Variants in COL11A2 observed in about 807,000 individuals in gnomAD.
COL11A2 encodes the protein collagen type XI alpha 2 chain.
COL11A2 carries 116 observed loss-of-function variants against 273.4 expected under a neutral mutation model. That is an observed-to-expected ratio of 0.42 (90% CI 0.36 to 0.49). The LOEUF (loss-of-function observed/expected upper bound fraction) is 0.49. Ranked by LOEUF, COL11A2 falls within the 20% of genes least tolerant of loss-of-function variation. The pLI is 0.00. For synonymous variants in COL11A2, 782 were observed against 864.2 expected, an observed-to-expected ratio of 0.90 and a Z score of 1.67; for missense variants, 1,866 against 2,309.0, an observed-to-expected ratio of 0.81 and a Z score of 3.93.
rs1184251490 is a variant in COL11A2 at position 33,173,561 on chromosome 6, G to A, written c.2629-6C>T. The stretch of plus-strand genomic sequence containing the variant: ...CCCTGAGGTCCAGGGAGGCCCTAGA[G>A]ACAGAGGTGGGGGGAGTCAGGAGAA... On this transcript the variant is annotated splice_region_variant and splice_polypyrimidine_tract_variant and intron_variant, in intron 35 of 65. Coordinates refer to ENST00000341947, the MANE Select transcript of COL11A2 (RefSeq NM_080680.3). This position sits in a 1 kb window ranked among gnomAD's most constrained non-coding sequence, Gnocchi z 6.3. The A allele has an allele frequency of 1.5e-6, 2 of 1,346,680 alleles. No individual in the cohort carries two copies. The highest frequency in any genetic ancestry group is 1.9e-5 in the Admixed American group (1 of 52,548). 83.4% of individuals were successfully genotyped at this position (1,346,680 alleles called of 1,614,324 possible). A position where few individuals can be genotyped will look rare whatever the true frequency, so the allele number is the denominator to read the frequency against.
At position 33,189,476 on chromosome 6, in the gene COL11A2, G is replaced by C. The variant is rs1319857630; in HGVS notation, c.83-7C>G. On this transcript the variant is annotated splice_polypyrimidine_tract_variant and splice_region_variant and intron_variant, in intron 1 of 65. Coordinates refer to ENST00000341947, the MANE Select transcript of COL11A2 (RefSeq NM_080680.3). The surrounding 1 kb of genome is among the most constrained non-coding windows in gnomAD (Gnocchi z 5.6). ...ACATCCACAGGGGGTGCACCTGGGA[G>C]AGTCCATGATTATCAGGAGAAGGGA... 2 of 1,613,060 alleles carry C rather than the reference G, an allele frequency of 1.2e-6. No homozygotes were observed. The highest frequency in any genetic ancestry group is 8.5e-7 in the Non-Finnish European group (1 of 1,180,006).
rs201642192 is a variant in COL11A2, at chr6:33,167,094, G to A, written c.4206C>T (p.Gly1402=). ...CCTTCTCTCCCTTGGCTCCAGCATC[G>A]CCCCGGAGACCAGGCAGCCCTGGGG... ...VGPPGLPGLR[G]DAGAKGEKGH... Residue 1402 remains glycine (G), a synonymous_variant, in exon 58 of 66, where the codon GGC becomes GGT. Transcript: ENST00000341947. This position sits in a 1 kb window ranked among gnomAD's most constrained non-coding sequence, Gnocchi z 6.1. The A allele has an allele frequency of 3.3e-5, 53 of 1,613,976 alleles. 1 individual carries two copies. The highest frequency in any genetic ancestry group is 2.3e-4 in the Admixed American group (14 of 60,016).
intron 8 of COL11A2, among the ~76,000 whole-genome samples, chr6:33,183,503 C>T (rs1771980409): frequency 6.6e-6 from 1 of 152,090 alleles, no homozygotes. Context: ...ATATCGAGGC[C>T]CACAATGGAA....
intron 38 of COL11A2, 69 bp from the exon 39 acceptor site, chr6:33,172,706 C>G: frequency 7.4e-7 from 1 of 1,354,516 alleles, no homozygotes; most frequent in South Asian, 1.2e-5. Context: ...AGAGCCCACC[C>G]TGGCCACCCT....
At chr6:33,174,385 CG>C (rs1770606598) in intron 31 of COL11A2, 141 bp downstream of exon 31, 12 of 1,363,782 alleles carry the variant, frequency 8.8e-6, no homozygotes, top group Non-Finnish European at 1.2e-5. Flanking sequence ...GGGCCTCTTT[CG>C]GTCATCTGTA....
chr6:33,188,916 G>T, intron 3 of COL11A2, 62 bp downstream of exon 3: 1 of 1,577,000 alleles, frequency 6.3e-7, no homozygotes, highest in Non-Finnish European at 8.7e-7. Context: ...GAGTGTAGGG[G>T]TTTGGGGGCA....
intron 54 of COL11A2, 91 bp downstream of exon 54, chr6:33,168,428 C>T: frequency 5.7e-6 from 8 of 1,414,720 alleles, no homozygotes; most frequent in Non-Finnish European, 8.0e-6. Context: ...ACACCAGGCA[C>T]CTCCCCACCC....
In COL11A2 at chr6:33,166,077, A is replaced by C. The variant is rs1769087730; in HGVS notation, c.4429-93T>G. 2 of 1,604,788 alleles carry C rather than the reference A, an allele frequency of 1.2e-6. No individual in the cohort carries two copies. Among genetic ancestry groups the C allele is most frequent in the Non-Finnish European group, 1.7e-6 (2 of 1,174,484 alleles). ...TCAAATCAGCCTCCTGGCTGGAATA[A>C]GGGGCTCCTTGGGGGGAGTCTATTT... On this transcript the variant is annotated intron_variant, in intron 61 of 65. Coordinates refer to ENST00000341947, the MANE Select transcript of COL11A2 (RefSeq NM_080680.3). This position sits in a 1 kb window ranked among gnomAD's most constrained non-coding sequence, Gnocchi z 4.8.
chr6:33,163,596 T>C lies in COL11A2; in HGVS notation c.*82A>G. On this transcript the variant is annotated 3_prime_UTR_variant, in exon 66 of 66. Coordinates refer to ENST00000341947, the MANE Select transcript of COL11A2 (RefSeq NM_080680.3). The surrounding 1 kb of genome is among the most constrained non-coding windows in gnomAD (Gnocchi z 4.1). Reference sequence around the variant, plus strand: ...GGGCTCCCTAGATAGTGAGGAGCCCTCTTGGGAGGTGGCACAGAGCTGATG... The same window carrying C: ...GGGCTCCCTAGATAGTGAGGAGCCCCCTTGGGAGGTGGCACAGAGCTGATG... 2 of 1,607,184 alleles carry C rather than the reference T, an allele frequency of 1.2e-6. No homozygotes were observed. The highest frequency in any genetic ancestry group is 8.5e-7 in the Non-Finnish European group (1 of 1,174,864).
At position 33,178,370 on chromosome 6, in the gene COL11A2, GGT is replaced by G. The variant is rs766595496; in HGVS notation, c.1774-20_1774-19del. On this transcript the variant is annotated intron_variant, in intron 19 of 65. Coordinates refer to ENST00000341947, the MANE Select transcript of COL11A2 (RefSeq NM_080680.3). The surrounding 1 kb of genome is among the most constrained non-coding windows in gnomAD (Gnocchi z 4.6). Reference sequence around the variant, plus strand: ...TCATCTCCCTGGAGGAGGAGGACACGGTAAAGCTGCTGTGCCTTCTAGACCTC... The same window carrying G: ...TCATCTCCCTGGAGGAGGAGGACACGAAAGCTGCTGTGCCTTCTAGACCTC... The G allele has an allele frequency of 7.4e-6, 12 of 1,612,866 alleles. 1 individual carries two copies. The South Asian group carries it at 1.3e-4, about 18-fold the overall frequency.
chr6:33,174,700 C>G (rs1234145347), intron 30 of COL11A2, 120 bp from the exon 31 acceptor site: 3 of 900,264 alleles, frequency 3.3e-6, no homozygotes, highest in Non-Finnish European at 5.4e-6. Context: ...CCCACACACC[C>G]CAGCCTCTAG....
intron 41 of COL11A2, 25 bp downstream of exon 41, chr6:33,172,025 A>T (rs368158050): frequency 6.2e-7 from 1 of 1,612,174 alleles, no homozygotes; most frequent in Non-Finnish European, 8.5e-7. Flanking sequence ...GGTCCTTCCT[A>T]CCACTTCCGG....
At chr6:33,185,611 G>A (rs988238191) in intron 6 of COL11A2, 90 bp downstream of exon 6, 4 of 548,922 alleles carry the variant, frequency 7.3e-6, no homozygotes, top group South Asian at 4.2e-5. Context: ...CTCTCCCCAC[G>A]GCATGGGGGA....
chr6:33,166,634 C>T lies in COL11A2; in HGVS notation c.4339-68G>A, dbSNP rs573864576. On this transcript the variant is annotated intron_variant, in intron 59 of 65. Transcript: ENST00000341947. The surrounding 1 kb of genome is among the most constrained non-coding windows in gnomAD (Gnocchi z 4.8). ...ACCCTCCTGAGCACCTGCTCGCTTACCCACAGCTGAGTCCCAACTCCAACT... is the reference window on the plus strand; with the variant it reads ...ACCCTCCTGAGCACCTGCTCGCTTATCCACAGCTGAGTCCCAACTCCAACT... The T allele has an allele frequency of 7.2e-4, 1,153 of 1,611,254 alleles. 2 individuals are homozygous for T. Among genetic ancestry groups the T allele is most frequent in the Non-Finnish European group, 9.2e-4 (1,082 of 1,177,888 alleles).
rs760275387 is a variant in COL11A2 at position 33,176,688 on chromosome 6, T to C, written c.2115+33A>G. On this transcript the variant is annotated intron_variant, in intron 26 of 65. Coordinates refer to ENST00000341947, the MANE Select transcript of COL11A2 (RefSeq NM_080680.3). The surrounding 1 kb of genome is among the most constrained non-coding windows in gnomAD (Gnocchi z 4.9). Reference sequence around the variant, plus strand: ...GAGGCTCTAGAGTCTGAGTGGAGACTCCCTCAGGGGATAAAGACATGGAAG... The same window carrying C: ...GAGGCTCTAGAGTCTGAGTGGAGACCCCCTCAGGGGATAAAGACATGGAAG... 2.5e-6 allele frequency: 4 copies of C among 1,600,738 alleles called. No individual in the cohort carries two copies. Among genetic ancestry groups the C allele is most frequent in the Non-Finnish European group, 3.4e-6 (4 of 1,169,662 alleles).
At chr6:33,171,998 C>T (rs1462508871) in intron 41 of COL11A2, 52 bp downstream of exon 41, 2 of 1,604,226 alleles carry the variant, frequency 1.2e-6, no homozygotes, top group Non-Finnish European at 1.7e-6. Context: ...CACCCTTCCT[C>T]ACCCACCCCT....
chr6:33,176,137 GA>G lies in COL11A2; in HGVS notation c.2215-69del. ...GCTGGGGTTCTAATGGGAATTCTGA[GA>G]ACATAGGTGGAAGCAGGGGCTCGGG... On this transcript the variant is annotated intron_variant, in intron 28 of 65. Transcript: ENST00000341947. This position sits in a 1 kb window ranked among gnomAD's most constrained non-coding sequence, Gnocchi z 4.9. 6.2e-7 allele frequency: 1 copy of G among 1,609,108 alleles called. No individual in the cohort carries two copies. Among genetic ancestry groups the G allele is most frequent in the Non-Finnish European group, 8.5e-7 (1 of 1,176,420 alleles).
rs121912950 is a variant in COL11A2 at position 33,167,305 on chromosome 6, G to A, written c.4135C>T (p.Arg1379Ter). 6.2e-7 allele frequency: 1 copy of A among 1,613,750 alleles called. No homozygotes were observed. The highest frequency in any genetic ancestry group is 1.1e-5 in the South Asian group (1 of 91,088). The change falls in exon 57 of 66, where the codon CGA becomes TGA. Residue 1379 changes from arginine to a stop codon, truncating the protein, a stop_gained. Transcript: ENST00000341947. LOFTEE classifies it high-confidence loss of function. This position sits in a 1 kb window ranked among gnomAD's most constrained non-coding sequence, Gnocchi z 6.1. ...GLPGSVGQQG[R>*]PGATGQAGPP... Reference sequence around the variant, plus strand: ...CCAGCCTGGCCTGTAGCTCCAGGTCGGCCTTGCTGACCCTGAAGATTTGAG... The same window carrying A: ...CCAGCCTGGCCTGTAGCTCCAGGTCAGCCTTGCTGACCCTGAAGATTTGAG...
chr6:33,186,863 G>GCAGATT (rs1333535857), intron 4 of COL11A2, 45 bp from the exon 5 acceptor site: 1 of 1,611,604 alleles, frequency 6.2e-7, no homozygotes, highest in Non-Finnish European at 8.5e-7. Context: ...TCAGAGAGAG[G>GCAGATT]CAGAGGGTAT....
Sources: allele counts gnomAD v4.1 joint callset (sites outside exome capture counted in the v4.1 genomes callset), GRCh38; gene constraint gnomAD v4.1.1; non-coding constraint Gnocchi (gnomAD v3.1); transcripts MANE v1.5; gene names NCBI Gene and HGNC (gene_info 2026-07-23, HGNC 2026-07-21).